The following PHACTR3 variants were observed in gnomAD, a reference collection of about 807,000 sequenced individuals.
PHACTR3 encodes the protein phosphatase and actin regulator 3.
Under a neutral mutation model 66.8 loss-of-function variants are expected in PHACTR3, and 16 were observed. The ratio of observed to expected loss-of-function variants is 0.24; its 90% CI spans 0.16 to 0.36. The LOEUF (loss-of-function observed/expected upper bound fraction) is 0.36, where lower values mean the gene tolerates loss of function less well. Among genes scored for constraint, PHACTR3 ranks in the 10% least tolerant of loss-of-function variants. The pLI, the probability that PHACTR3 is intolerant of heterozygous loss-of-function variation, is 1.00. For missense variants in PHACTR3, 647 were observed against 719.9 expected (o/e 0.90, Z 1.16); for synonymous variants, 323 against 292.1 (o/e 1.11, Z -1.08).
intron 1 of PHACTR3, among the ~76,000 whole-genome samples, chr20:59,683,490 T>C (rs2036739529): frequency 6.6e-6 from 1 of 152,096 alleles, no homozygotes; most frequent in Non-Finnish European, 1.5e-5. Flanking sequence ...CAGGTCTTTT[T>C]TTTTTTTTTC....
intron 7 of PHACTR3, among the ~76,000 whole-genome samples, chr20:59,798,713 C>T (rs966811333): frequency 1.3e-5 from 2 of 152,068 alleles, no homozygotes; most frequent in Non-Finnish European, 2.9e-5. Flanking sequence ...GTCACCTCTC[C>T]AGTTTCTGAT....
At chr20:59,689,634 C>T (rs2037032859) in intron 1 of PHACTR3, among the ~76,000 whole-genome samples, 2 of 152,182 alleles carry the variant, frequency 1.3e-5, no homozygotes, top group African/African-American at 4.8e-5. Context: ...TGCAATAGTC[C>T]AGCCCCATCA....
intron 1 of PHACTR3, among the ~76,000 whole-genome samples, chr20:59,718,268 G>A (rs2038168971): frequency 6.6e-6 from 1 of 152,180 alleles, no homozygotes; most frequent in Non-Finnish European, 1.5e-5. Context: ...AGAGCCACCA[G>A]TTCCTCTCCT....
intron 7 of PHACTR3, among the ~76,000 whole-genome samples, chr20:59,785,875 T>TTC (rs1568820698): frequency 5.3e-4 from 22 of 41,286 alleles, no homozygotes; most frequent in Middle Eastern, 0.026. Context: ...CTGCATCCCC[T>TTC]ACTTCATTTT....
intron 1 of PHACTR3, among the ~76,000 whole-genome samples, chr20:59,683,778 A>C (rs1330269058): frequency 6.6e-6 from 1 of 152,172 alleles, no homozygotes; most frequent in Non-Finnish European, 1.5e-5. Context: ...GAAATTGGCA[A>C]GAAATTAGCT....
chr20:59,678,741 G>A (rs897180636), intron 1 of PHACTR3, among the ~76,000 whole-genome samples: 9 of 152,186 alleles, frequency 5.9e-5, no homozygotes. Context: ...ATTAACTTTA[G>A]AAGATGCAAA....
intron 1 of PHACTR3, among the ~76,000 whole-genome samples, chr20:59,634,854 G>T (rs189604536): frequency 4.6e-5 from 7 of 152,274 alleles, no homozygotes; most frequent in Admixed American, 3.9e-4. Flanking sequence ...ACCTCAGAAT[G>T]GAATTTTTAA....
At chr20:59,794,063 G>A (rs1235474630) in intron 7 of PHACTR3, among the ~76,000 whole-genome samples, 1 of 144,066 alleles carries the variant, frequency 6.9e-6, no homozygotes, top group Non-Finnish European at 1.5e-5. Flanking sequence ...GGCCGAGGTT[G>A]CAGTGAGCCA....
intron 4 of PHACTR3, among the ~76,000 whole-genome samples, chr20:59,755,769 G>C (rs767034151): frequency 1.3e-5 from 2 of 152,180 alleles, no homozygotes; most frequent in African/African-American, 4.8e-5. Flanking sequence ...TTCTGTGGCC[G>C]AAATCCTGCC....
intron 1 of PHACTR3, among the ~76,000 whole-genome samples, chr20:59,652,757 C>G (rs368128078): frequency 1.3e-5 from 2 of 151,968 alleles, no homozygotes; most frequent in Admixed American, 1.3e-4. Flanking sequence ...CTTGTAGACA[C>G]GTCCACAATC....
At chr20:59,659,642 A>T (rs12625088) in intron 1 of PHACTR3, among the ~76,000 whole-genome samples, 16,935 of 151,976 alleles carry the variant, frequency 0.11, 1,081 homozygotes, top group East Asian at 0.25. Context: ...AAGTGCTGGG[A>T]TTACAGGTGT....
At position 59,764,570 on chromosome 20, in the gene PHACTR3, C is replaced by T. The variant is rs909392179; in HGVS notation, c.542-2616C>T. On this transcript the variant is annotated intron_variant, in intron 4 of 12. Coordinates refer to ENST00000371015, the MANE Select transcript of PHACTR3 (RefSeq NM_080672.5). ...AAGCAAGGTGGAGGCCAAAGTCACT[C>T]GTCTGTAAATAGGTCAAACGTATGG... Among the ~76,000 whole-genome samples the T allele has an allele frequency of 4.6e-5, 7 of 152,198 alleles. No individual in the cohort carries two copies. The East Asian group carries it at 1.2e-3, about 25-fold the overall frequency.
At chr20:59,705,080 C>A (rs2037652078) in intron 1 of PHACTR3, among the ~76,000 whole-genome samples, 3 of 151,858 alleles carry the variant, frequency 2.0e-5, no homozygotes. Flanking sequence ...CCTCAGCCAT[C>A]CAAGTAGCTG....
At chr20:59,662,606 A>G (rs2426805) in intron 1 of PHACTR3, among the ~76,000 whole-genome samples, 21,950 of 152,144 alleles carry the variant, frequency 0.14, 1,907 homozygotes, top group East Asian at 0.25. Flanking sequence ...TTTTATCCTT[A>G]AAACGAAAGG....
chr20:59,738,863 G>T lies in PHACTR3; in HGVS notation c.119-4244G>T, dbSNP rs542046978. ...CTGGAGATCTTCGTCTTCATCTTCA[G>T]CTGAGCTTGGAGGCTTGGGGAGACC... On this transcript the variant is annotated intron_variant, in intron 1 of 12. Coordinates refer to ENST00000371015, the MANE Select transcript of PHACTR3 (RefSeq NM_080672.5). The surrounding 1 kb of genome is among the most constrained non-coding windows in gnomAD (Gnocchi z 4.4). Among the ~76,000 whole-genome samples the T allele has an allele frequency of 3.3e-5, 5 of 152,250 alleles. No homozygotes were observed. The South Asian group carries it at 8.3e-4, about 25-fold the overall frequency.
chr20:59,614,818 T>C (rs747364178), intron 1 of PHACTR3, among the ~76,000 whole-genome samples: 41 of 152,246 alleles, frequency 2.7e-4, no homozygotes, highest in Non-Finnish European at 5.1e-4. Context: ...CAGGAAGATA[T>C]GCCAAAAATG....
intron 8 of PHACTR3, among the ~76,000 whole-genome samples, chr20:59,827,215 C>T (rs1005819873): frequency 1.3e-5 from 2 of 152,108 alleles, no homozygotes; most frequent in African/African-American, 2.4e-5. Context: ...TGCTGGTGAC[C>T]AGCTGGCCTT....
At chr20:59,640,960 G>A (rs531544672) in intron 1 of PHACTR3, among the ~76,000 whole-genome samples, 1 of 152,146 alleles carries the variant, frequency 6.6e-6, no homozygotes, top group East Asian at 1.9e-4. Flanking sequence ...CTTTTACTGT[G>A]TTTCTCTCTA....
At chr20:59,749,307 A>C (rs879775444) in intron 3 of PHACTR3, among the ~76,000 whole-genome samples, 3 of 152,222 alleles carry the variant, frequency 2.0e-5, no homozygotes, top group Non-Finnish European at 2.9e-5. Context: ...TTCTAAAAAA[A>C]ACACTACTTT....
Sources: allele counts gnomAD v4.1 joint callset (sites outside exome capture counted in the v4.1 genomes callset), GRCh38; gene constraint gnomAD v4.1.1; non-coding constraint Gnocchi (gnomAD v3.1); transcripts MANE v1.5; gene names NCBI Gene and HGNC (gene_info 2026-07-23, HGNC 2026-07-21).